The following PRKCA variants were observed in gnomAD, a reference collection of about 807,000 sequenced individuals.
PRKCA encodes protein kinase C alpha.
In PRKCA, 27 loss-of-function variants were observed where a neutral mutation model predicts 87.0. That is an observed-to-expected ratio of 0.31 (90% confidence interval 0.23 to 0.43). PRKCA has a LOEUF of 0.43. Among genes scored for constraint, PRKCA ranks in the 20% least tolerant of loss-of-function variants. The probability of loss-of-function intolerance (pLI) is 1.00; values close to 1 mark genes in which losing one functional copy is unlikely to be tolerated. For missense variants in PRKCA, 518 were observed against 852.3 expected (o/e 0.61, Z 4.88); for synonymous variants, 329 against 311.1 (o/e 1.06, Z -0.61).
chr17:66,384,037 T>C (rs1909915483), intron 2 of PRKCA, among the ~76,000 whole-genome samples: 1 of 152,318 alleles, frequency 6.6e-6, no homozygotes, highest in South Asian at 2.1e-4. Context: ...CACTTTCCTA[T>C]TTTTTATGAG....
chr17:66,778,057 T>A (rs1975103191), intron 14 of PRKCA: 2 of 985,412 alleles, frequency 2.0e-6, no homozygotes, highest in Non-Finnish European at 2.4e-6. Flanking sequence ...CAGGCCTTAT[T>A]TAAAGGTTTC....
intron 3 of PRKCA, among the ~76,000 whole-genome samples, chr17:66,558,033 C>T (rs544259819): frequency 1.1e-4 from 17 of 152,330 alleles, no homozygotes; most frequent in Non-Finnish European, 2.2e-4. Context: ...TACTGCCCAC[C>T]GTTCCCAATT....
intron 3 of PRKCA, among the ~76,000 whole-genome samples, chr17:66,611,075 G>T (rs2143639040): frequency 6.6e-6 from 1 of 152,304 alleles, no homozygotes; most frequent in East Asian, 1.9e-4. Flanking sequence ...CATCCCTGTT[G>T]CTCAGGAATT....
intron 2 of PRKCA, among the ~76,000 whole-genome samples, chr17:66,315,338 C>T (rs1048430027): frequency 6.6e-6 from 1 of 152,160 alleles, no homozygotes; most frequent in Non-Finnish European, 1.5e-5. Flanking sequence ...GGATTCAGAC[C>T]TGGGCAGTAT....
chr17:66,694,258 G>A (rs1972860465), intron 8 of PRKCA, among the ~76,000 whole-genome samples: 1 of 152,012 alleles, frequency 6.6e-6, no homozygotes, highest in Non-Finnish European at 1.5e-5. Flanking sequence ...CCAGGGTGCT[G>A]GATCACGAGG....
chr17:66,347,580 A>C (rs966717833), intron 2 of PRKCA, among the ~76,000 whole-genome samples: 1 of 152,084 alleles, frequency 6.6e-6, no homozygotes, highest in African/African-American at 2.4e-5. Flanking sequence ...GGAAAACACT[A>C]TTTCATTGAG....
chr17:66,535,116 T>C (rs543815886), intron 3 of PRKCA, among the ~76,000 whole-genome samples: 2 of 152,332 alleles, frequency 1.3e-5, no homozygotes, highest in East Asian at 3.9e-4. Flanking sequence ...TTTTGCTTTG[T>C]AGCTAAAGAA....
chr17:66,718,823 T>C (rs1973540209), intron 8 of PRKCA, among the ~76,000 whole-genome samples: 1 of 152,230 alleles, frequency 6.6e-6, no homozygotes, highest in Non-Finnish European at 1.5e-5. Flanking sequence ...GATGTGTTTT[T>C]GTTTTGACAT....
chr17:66,568,427 G>A (rs1968963159), intron 3 of PRKCA, among the ~76,000 whole-genome samples: 1 of 152,128 alleles, frequency 6.6e-6, no homozygotes, highest in South Asian at 2.1e-4. Flanking sequence ...GTGCTGGTGA[G>A]GAGTAATTCG....
intron 3 of PRKCA, among the ~76,000 whole-genome samples, chr17:66,543,062 G>A (rs190948448): frequency 1.4e-4 from 21 of 152,226 alleles, no homozygotes; most frequent in Admixed American, 9.2e-4. Context: ...ATGCACTTCC[G>A]TAATTTCTAT....
rs752406961 is a variant in PRKCA, at chr17:66,807,653, T to G, written c.*3616T>G. On this transcript the variant is annotated 3_prime_UTR_variant, in exon 17 of 17. Transcript: ENST00000413366. This position sits in a 1 kb window ranked among gnomAD's most constrained non-coding sequence, Gnocchi z 4.3. The stretch of plus-strand genomic sequence containing the variant: ...TACTCAGAATTTTGATAGAAAACCA[T>G]GGGGCCAAGAGCTCTGGAAGCCTGG... The G allele has an allele frequency of 1.3e-5, 2 of 152,228 alleles. No homozygotes were observed. The highest frequency in any genetic ancestry group is 2.9e-5 in the Non-Finnish European group (2 of 68,072). 9.4% of individuals were successfully genotyped at this position (152,228 alleles called of 1,614,324 possible). A position where few individuals can be genotyped will look rare whatever the true frequency, so the allele number is the denominator to read the frequency against.
chr17:66,645,580 G>T, intron 5 of PRKCA, 69 bp downstream of exon 5: 1 of 1,593,726 alleles, frequency 6.3e-7, no homozygotes, highest in East Asian at 2.2e-5. Flanking sequence ...TGATATTAAG[G>T]CAGGGTGGGG....
At chr17:66,632,330 GA>G (rs886097806) in intron 3 of PRKCA, among the ~76,000 whole-genome samples, 1 of 151,974 alleles carries the variant, frequency 6.6e-6, no homozygotes, top group Admixed American at 6.6e-5. Flanking sequence ...TATCAATCTA[GA>G]AAAAAACTGT....
chr17:66,586,130 C>T (rs1053036890), intron 3 of PRKCA, among the ~76,000 whole-genome samples: 6 of 152,118 alleles, frequency 3.9e-5, no homozygotes, highest in Non-Finnish European at 7.4e-5. Flanking sequence ...TTGTCATTGT[C>T]GTTGCTATGG....
At chr17:66,306,759 C>T (rs953793044) in intron 2 of PRKCA, among the ~76,000 whole-genome samples, 11 of 152,154 alleles carry the variant, frequency 7.2e-5, no homozygotes, top group African/African-American at 2.4e-4. Flanking sequence ...TTGCATTTCA[C>T]ACACATCGAA....
intron 2 of PRKCA, among the ~76,000 whole-genome samples, chr17:66,372,816 G>A (rs550582122): frequency 1.3e-5 from 2 of 152,270 alleles, no homozygotes; most frequent in African/African-American, 4.8e-5. Flanking sequence ...CAGTACTTTG[G>A]GAAGCCGAGG....
At chr17:66,456,221 C>T (rs73332611) in intron 2 of PRKCA, among the ~76,000 whole-genome samples, 2,221 of 152,252 alleles carry the variant, frequency 0.015, 48 homozygotes, top group African/African-American at 0.05. Context: ...AGACTTTTGT[C>T]CTCCAGTAGC....
intron 3 of PRKCA, among the ~76,000 whole-genome samples, chr17:66,503,912 C>G (rs1321839682): frequency 6.6e-6 from 1 of 152,056 alleles, no homozygotes; most frequent in Non-Finnish European, 1.5e-5. Flanking sequence ...AGTTCTACCC[C>G]CAAAACATTT....
chr17:66,717,165 C>A (rs1347249983), intron 8 of PRKCA, among the ~76,000 whole-genome samples: 1 of 152,158 alleles, frequency 6.6e-6, no homozygotes, highest in Middle Eastern at 3.2e-3. Context: ...GATTTGAGAA[C>A]CTGCGTGATA....
Sources: gnomAD v4.1 joint callset for allele counts (sites outside exome capture counted in the v4.1 genomes callset) on GRCh38, gnomAD v4.1.1 for gene constraint, Gnocchi (gnomAD v3.1) non-coding constraint, MANE v1.5 for transcripts, NCBI Gene and HGNC (gene_info 2026-07-23, HGNC 2026-07-21) for gene names.